PTPRD: variants seen among roughly 807,000 people sequenced by gnomAD.
The protein encoded by PTPRD is protein tyrosine phosphatase receptor type D.
In PTPRD, 34 loss-of-function variants were observed where a neutral mutation model predicts 214.5. That is an observed-to-expected ratio of 0.16 (90% CI 0.12 to 0.21). PTPRD has a LOEUF of 0.21. Among genes scored for constraint, PTPRD ranks in the 10% least tolerant of loss-of-function variants. PTPRD has a pLI of 1.00. For missense variants in PTPRD, 2,545 were observed against 2,398.7 expected (o/e 1.06, Z -1.27); for synonymous variants, 1,128 against 845.7 (o/e 1.33, Z -5.79).
intron 12 of PTPRD, among the ~76,000 whole-genome samples, chr9:8,725,015 T>TAA (rs2098542505): frequency 6.6e-6 from 1 of 152,186 alleles, no homozygotes; most frequent in South Asian, 2.1e-4. Context: ...GTAGTTTAGT[T>TAA]AACAGTACTG....
chr9:10,485,106 A>G (rs369485453), intron 2 of PTPRD, among the ~76,000 whole-genome samples: 5 of 151,968 alleles, frequency 3.3e-5, no homozygotes, highest in African/African-American at 9.6e-5. Context: ...TTCCAGCACT[A>G]TTTATTCACC....
chr9:9,423,019 C>T (rs975098100), intron 8 of PTPRD, among the ~76,000 whole-genome samples: 1 of 152,134 alleles, frequency 6.6e-6, no homozygotes, highest in Non-Finnish European at 1.5e-5. Flanking sequence ...TTGGGGAAAC[C>T]AGAACAAAGC....
intron 11 of PTPRD, among the ~76,000 whole-genome samples, chr9:8,767,565 G>A (rs1348456808): frequency 6.6e-6 from 1 of 152,132 alleles, no homozygotes; most frequent in East Asian, 1.9e-4. Flanking sequence ...CAGTGAGGGT[G>A]CACCATACGT....
intron 14 of PTPRD, among the ~76,000 whole-genome samples, chr9:8,536,114 T>A (rs2139968269): frequency 6.6e-6 from 1 of 152,076 alleles, no homozygotes; most frequent in African/African-American, 2.4e-5. Flanking sequence ...TTGTTTCATA[T>A]CCTACATGTA....
intron 9 of PTPRD, among the ~76,000 whole-genome samples, chr9:9,269,668 T>C (rs1941962550): frequency 6.6e-6 from 1 of 151,428 alleles, no homozygotes; most frequent in Non-Finnish European, 1.5e-5. Flanking sequence ...GTAAACATTA[T>C]TCAGCATTAA....
intron 8 of PTPRD, among the ~76,000 whole-genome samples, chr9:9,536,997 T>C (rs1258079680): frequency 6.6e-6 from 1 of 151,946 alleles, no homozygotes; most frequent in African/African-American, 2.4e-5. Context: ...TTGCAGTACC[T>C]ATGGTTCAAC....
chr9:8,648,590 A>G (rs1446959349), intron 12 of PTPRD, among the ~76,000 whole-genome samples: 1 of 152,180 alleles, frequency 6.6e-6, no homozygotes, highest in Admixed American at 6.6e-5. Flanking sequence ...CTTACTACCT[A>G]TTTATGCATT....
intron 5 of PTPRD, among the ~76,000 whole-genome samples, chr9:9,814,165 T>G (rs976138777): frequency 1.3e-5 from 2 of 152,098 alleles, no homozygotes; most frequent in African/African-American, 4.8e-5. Context: ...AAAAGCCACA[T>G]GTGACAAGCC....
chr9:9,213,245 C>T (rs35327236), intron 9 of PTPRD, among the ~76,000 whole-genome samples: 20,741 of 151,890 alleles, frequency 0.14, 1,636 homozygotes, highest in Non-Finnish European at 0.18. Flanking sequence ...AACTGAGAGG[C>T]GTAAATGCTT....
intron 11 of PTPRD, among the ~76,000 whole-genome samples, chr9:9,002,021 G>A (rs2099423348): frequency 6.6e-6 from 1 of 150,774 alleles, no homozygotes; most frequent in African/African-American, 2.4e-5. Flanking sequence ...GTGGGGGGGT[G>A]TTGGGAGTTC....
chr9:9,237,585 C>T (rs991248559), intron 9 of PTPRD, among the ~76,000 whole-genome samples: 15 of 152,122 alleles, frequency 9.9e-5, no homozygotes, highest in Admixed American at 3.3e-4. Flanking sequence ...CCCCCAAAGC[C>T]AGGAATATTT....
At chr9:9,235,217 C>T (rs888407714) in intron 9 of PTPRD, among the ~76,000 whole-genome samples, 3 of 152,088 alleles carry the variant, frequency 2.0e-5, no homozygotes, top group Non-Finnish European at 4.4e-5. Flanking sequence ...CCAGTCACTA[C>T]TGTCATGAGA....
At chr9:9,365,324 T>A (rs1420125342) in intron 9 of PTPRD, among the ~76,000 whole-genome samples, 1 of 151,578 alleles carries the variant, frequency 6.6e-6, no homozygotes, top group Non-Finnish European at 1.5e-5. Context: ...TGCAAACATA[T>A]AATCTTTCAC....
At chr9:10,131,156 C>G (rs1481049506) in intron 3 of PTPRD, among the ~76,000 whole-genome samples, 1 of 152,026 alleles carries the variant, frequency 6.6e-6, no homozygotes, top group South Asian at 2.1e-4. Flanking sequence ...GAGGATGGAG[C>G]AAATCTCTAA....
Position 10,484,322 on chromosome 9 carries a change from C to A in PTPRD, c.-600+128076G>T, listed in dbSNP as rs937851055. The stretch of plus-strand genomic sequence containing the variant: ...GGGGAGTGTGGAAAGACAGTTGTAC[C>A]CCTACCTATTGTGTTACAACATATA... On this transcript the variant is annotated intron_variant, in intron 2 of 45. Coordinates refer to ENST00000381196, the MANE Select transcript of PTPRD (RefSeq NM_002839.4). Among the ~76,000 whole-genome samples, 9 of 152,054 alleles carry A rather than the reference C, an allele frequency of 5.9e-5. No homozygotes were observed. In the East Asian group the frequency reaches 1.6e-3, roughly 26 times the overall value.
At chr9:10,378,894 G>C (rs2097773855) in intron 2 of PTPRD, among the ~76,000 whole-genome samples, 1 of 151,954 alleles carries the variant, frequency 6.6e-6, no homozygotes, top group African/African-American at 2.4e-5. Flanking sequence ...TGAATCTGTA[G>C]ATGACTTTGG....
At chr9:10,447,396 C>T (rs1435065989) in intron 2 of PTPRD, among the ~76,000 whole-genome samples, 4 of 151,946 alleles carry the variant, frequency 2.6e-5, no homozygotes, top group Non-Finnish European at 5.9e-5. Flanking sequence ...TCATTTGCTA[C>T]TGTTAATATT....
At chr9:9,021,989 G>A (rs2099571479) in intron 10 of PTPRD, among the ~76,000 whole-genome samples, 1 of 151,902 alleles carries the variant, frequency 6.6e-6, no homozygotes. Flanking sequence ...GGGGGGCAAG[G>A]GGAGGGAGAA....
At chr9:8,903,797 A>G (rs576733547) in intron 11 of PTPRD, among the ~76,000 whole-genome samples, 2 of 146,772 alleles carry the variant, frequency 1.4e-5, no homozygotes, top group Non-Finnish European at 2.9e-5. Context: ...ACTACTCTGT[A>G]AAGCAATATC....
Sources: allele counts gnomAD v4.1 joint callset (sites outside exome capture counted in the v4.1 genomes callset), GRCh38; gene constraint gnomAD v4.1.1; transcripts MANE v1.5; gene names NCBI Gene and HGNC (gene_info 2026-07-23, HGNC 2026-07-21).